RPRD2: variants seen among roughly 807,000 people sequenced by gnomAD.
RPRD2 encodes the protein regulation of nuclear pre-mRNA domain containing 2, also known as regulation of nuclear pre-mRNA domain-containing protein 2.
In RPRD2, 12 loss-of-function variants were observed where a neutral mutation model predicts 104.4. The observed-to-expected ratio is 0.11, with a 90% CI of 0.07 to 0.19. The LOEUF (loss-of-function observed/expected upper bound fraction) is 0.19. RPRD2 is among the 10% of genes least tolerant of loss of function. The pLI, the probability that RPRD2 is intolerant of heterozygous loss-of-function variation, is 1.00. For missense variants in RPRD2, 1,543 were observed against 1,790.1 expected, an observed-to-expected ratio of 0.86 and a Z score of 2.49; for synonymous variants, 714 against 684.9, an observed-to-expected ratio of 1.04 and a Z score of -0.66.
At position 150,473,556 on chromosome 1, in the gene RPRD2, T is replaced by TAAAAA. The variant is rs61486244; in HGVS notation, c.*241_*245dup. On this transcript the variant is annotated 3_prime_UTR_variant, in exon 11 of 11. Coordinates refer to ENST00000369068, the MANE Select transcript of RPRD2 (RefSeq NM_015203.5). ...TCTACCTTCCCCAAGTTGTTTGTAT[T>TAAAAA]AAAAAAAAAAAAAAAAAAAAAAAGT... 4.3e-3 allele frequency: 425 copies of TAAAAA among 98,322 alleles called. 14 individuals carry two copies. The highest frequency in any genetic ancestry group is 0.019 in the African/African-American group (404 of 21,718). The allele number at this position is 98,322 out of a possible 1,614,324, so 6.1% of individuals were successfully genotyped here. A position where few individuals can be genotyped will look rare whatever the true frequency, so the allele number is the denominator to read the frequency against.
chr1:150,368,512 G>A (rs1220976933), intron 1 of RPRD2, among the ~76,000 whole-genome samples: 1 of 146,348 alleles, frequency 6.8e-6, no homozygotes, highest in African/African-American at 2.5e-5. Flanking sequence ...CACCCATGCT[G>A]GAGTATAATG....
chr1:150,471,647 G>A lies in RPRD2; in HGVS notation c.2699G>A (p.Ser900Asn), dbSNP rs775637566. 24 of 1,613,698 alleles carry A rather than the reference G, an allele frequency of 1.5e-5. No homozygotes were observed. Among genetic ancestry groups the A allele is most frequent in the East Asian group, 4.5e-5 (2 of 44,882 alleles). ...TCTGTAAGGGCCCTCCTGGACTCTA[G>A]TGAGAACTGTGACCGTCTCTCATCT... ...PPSVRALLDS[S>N]ENCDRLSSSP... Residue 900 changes from serine (S) to asparagine (N), a missense_variant, in exon 11 of 11, where the codon AGT becomes AAT. Coordinates refer to ENST00000369068, the MANE Select transcript of RPRD2 (RefSeq NM_015203.5). The surrounding 1 kb of genome is among the most constrained non-coding windows in gnomAD (Gnocchi z 5.3).
chr1:150,466,590 T>C (rs1668298650), intron 10 of RPRD2, among the ~76,000 whole-genome samples: 1 of 151,802 alleles, frequency 6.6e-6, no homozygotes, highest in Non-Finnish European at 1.5e-5. Context: ...TATCTTTTTT[T>C]GTCCTAATGT....
intron 1 of RPRD2, among the ~76,000 whole-genome samples, chr1:150,369,842 G>A (rs190746870): frequency 3.3e-5 from 5 of 151,072 alleles, no homozygotes; most frequent in East Asian, 3.9e-4. Flanking sequence ...GTACAGTGGC[G>A]GAATCTCGGC....
intron 1 of RPRD2, among the ~76,000 whole-genome samples, chr1:150,379,018 C>T (rs1031794156): frequency 7.2e-6 from 1 of 139,378 alleles, no homozygotes; most frequent in East Asian, 2.4e-4. Context: ...TGAATTGGCT[C>T]ATGCCTGTAA....
chr1:150,471,276 A>T lies in RPRD2; in HGVS notation c.2328A>T (p.Glu776Asp). Residue 776 changes from glutamate to aspartate, a missense_variant, in exon 11 of 11, where the codon GAA (glutamate) becomes GAT (aspartate). Glu to Asp is a conservative substitution (Grantham distance 45). Transcript: ENST00000369068. The surrounding 1 kb of genome is among the most constrained non-coding windows in gnomAD (Gnocchi z 5.3). ...STRSPPPGRDESYPRELSNSV... is the reference protein window; with the variant it reads ...STRSPPPGRDDSYPRELSNSV... ...GATCACCACCCCCTGGGAGAGATGA[A>T]AGCTACCCCCGAGAGCTCTCCAATT... is the stretch of plus-strand genomic sequence containing the variant. The T allele has an allele frequency of 6.2e-7, 1 of 1,612,934 alleles. No individual in the cohort carries two copies. Among genetic ancestry groups the T allele is most frequent in the Non-Finnish European group, 8.5e-7 (1 of 1,179,552 alleles).
intron 10 of RPRD2, among the ~76,000 whole-genome samples, chr1:150,468,685 T>A (rs1328372529): frequency 6.6e-6 from 1 of 152,130 alleles, no homozygotes; most frequent in Non-Finnish European, 1.5e-5. Context: ...GAGATCAGCC[T>A]GCGCAACATG....
At position 150,472,805 on chromosome 1, in the gene RPRD2, G is replaced by A; in HGVS notation, c.3857G>A (p.Gly1286Asp). ...GAACATAGCAGCAGTGGTGGGAGTGGTGTCCCCTTTTCTACTCCACCCCCT... is the reference window on the plus strand; with the variant it reads ...GAACATAGCAGCAGTGGTGGGAGTGATGTCCCCTTTTCTACTCCACCCCCT... ...PGEHSSSGGS[G>D]VPFSTPPPPP... Residue 1286 changes from glycine to aspartate, a missense_variant, in exon 11 of 11, where the codon GGT (glycine) becomes GAT (aspartate). By Grantham distance (94) the Gly-to-Asp change is moderately conservative (BLOSUM62 -1). This residue lies in a region of RPRD2 where 880 missense variants were observed against 885.6 expected (regional missense o/e 0.99). Coordinates refer to ENST00000369068, the MANE Select transcript of RPRD2 (RefSeq NM_015203.5). 1 of 1,611,266 alleles carries A rather than the reference G, an allele frequency of 6.2e-7. No homozygotes were observed. The highest frequency in any genetic ancestry group is 1.1e-5 in the South Asian group (1 of 90,896).
rs1003818720 is a variant in RPRD2 at position 150,475,296 on chromosome 1, G to T, written c.*1962G>T. ...TATTTGACTTTCAAAATTGAAATAG[G>T]TTTTTTTTTTGCAGAAATTAAATGG... On this transcript the variant is annotated 3_prime_UTR_variant, in exon 11 of 11. Coordinates refer to ENST00000369068, the MANE Select transcript of RPRD2 (RefSeq NM_015203.5). The T allele has an allele frequency of 2.7e-5, 4 of 148,714 alleles. No homozygotes were observed. The highest frequency in any genetic ancestry group is 4.9e-5 in the African/African-American group (2 of 40,480). The allele number at this position is 148,714 out of a possible 1,614,324, so 9.2% of individuals were successfully genotyped here.
intron 1 of RPRD2, among the ~76,000 whole-genome samples, chr1:150,373,775 A>T (rs587620256): frequency 3.3e-5 from 5 of 152,300 alleles, no homozygotes; most frequent in Non-Finnish European, 5.9e-5. Flanking sequence ...TTGTTCAGCA[A>T]TCACCATAGC....
Position 150,444,342 on chromosome 1 carries a change from A to G in RPRD2, c.659A>G (p.Asp220Gly). Residue 220 changes from aspartate (D) to glycine (G), a missense_variant, in exon 6 of 11, where the codon GAT becomes GGT. Around this residue, in one of 4 missense-constraint regions of RPRD2, gnomAD observed 572 missense variants for 787.3 expected, o/e 0.73. Transcript: ENST00000369068. ...AAGCAGTTGTCAACTATGAGGGTGG[A>G]TGTGTGCAGCACAGAAACTCTCAAA... ...KEKQLSTMRV[D>G]VCSTETLKCL... 1 of 1,613,938 alleles carries G rather than the reference A, an allele frequency of 6.2e-7. No homozygotes were observed. The highest frequency in any genetic ancestry group is 8.5e-7 in the Non-Finnish European group (1 of 1,179,842).
chr1:150,440,331 G>A (rs1164324537), intron 2 of RPRD2, among the ~76,000 whole-genome samples: 2 of 152,074 alleles, frequency 1.3e-5, no homozygotes, highest in African/African-American at 4.8e-5. Context: ...GCCTCCCAAA[G>A]CGCTGGGATT....
At chr1:150,397,840 G>A (rs1553884483) in intron 1 of RPRD2, among the ~76,000 whole-genome samples, 9 of 150,908 alleles carry the variant, frequency 6.0e-5, no homozygotes, top group African/African-American at 2.4e-5. Context: ...TCTGCTTCCC[G>A]GATTCAAGCG....
chr1:150,439,593 C>G (rs1229269454), intron 2 of RPRD2, among the ~76,000 whole-genome samples: 2 of 150,482 alleles, frequency 1.3e-5, no homozygotes, highest in Non-Finnish European at 2.9e-5. Context: ...TTCATAGGCT[C>G]TCATCCTTGA....
At chr1:150,445,610 CA>C (rs1218358228) in intron 6 of RPRD2, among the ~76,000 whole-genome samples, 2 of 152,136 alleles carry the variant, frequency 1.3e-5, no homozygotes, top group African/African-American at 4.8e-5. Flanking sequence ...GTGTGGAATC[CA>C]ATTTGTGAAG....
intron 1 of RPRD2, among the ~76,000 whole-genome samples, chr1:150,404,302 A>G (rs945943927): frequency 3.3e-5 from 5 of 152,102 alleles, no homozygotes; most frequent in Non-Finnish European, 7.3e-5. Context: ...GTTGGAGTAC[A>G]GTGGTACAGT....
chr1:150,407,917 T>G (rs1663603843), intron 1 of RPRD2, among the ~76,000 whole-genome samples: 1 of 151,970 alleles, frequency 6.6e-6, no homozygotes, highest in Admixed American at 6.6e-5. Context: ...TGGGTTTTTT[T>G]GTGTGTGTGG....
chr1:150,423,685 G>T (rs1247216833), intron 2 of RPRD2, among the ~76,000 whole-genome samples: 3 of 151,976 alleles, frequency 2.0e-5, no homozygotes, highest in Non-Finnish European at 2.9e-5. Flanking sequence ...AGCTTTTTGA[G>T]CACCAACATG....
At chr1:150,382,598 A>G (rs587736070) in intron 1 of RPRD2, among the ~76,000 whole-genome samples, 28 of 152,282 alleles carry the variant, frequency 1.8e-4, no homozygotes, top group Non-Finnish European at 2.8e-4. Context: ...ACCTCAGGCA[A>G]TCTGCCTGCC....
Sources: allele counts gnomAD v4.1 joint callset (sites outside exome capture counted in the v4.1 genomes callset), GRCh38; gene constraint gnomAD v4.1.1; regional missense constraint gnomAD v4.1.1; non-coding constraint Gnocchi (gnomAD v3.1); transcripts MANE v1.5; gene names NCBI Gene and HGNC (gene_info 2026-07-23, HGNC 2026-07-21).